Variants in GREB1L observed in about 807,000 individuals in gnomAD.
GREB1L encodes the protein GREB1 like retinoic acid receptor coactivator.
GREB1L carries 17 observed loss-of-function variants against 200.8 expected under a neutral mutation model. The observed-to-expected ratio is 0.08, with a 90% CI of 0.06 to 0.13. The LOEUF (loss-of-function observed/expected upper bound fraction) is 0.13. Ranked by LOEUF, GREB1L falls within the 10% of genes least tolerant of loss-of-function variation. The pLI is 1.00. For missense variants in GREB1L, 1,657 were observed against 2,367.7 expected, an observed-to-expected ratio of 0.70 and a Z score of 6.23; for synonymous variants, 789 against 893.0, an observed-to-expected ratio of 0.88 and a Z score of 2.08.
At chr18:21,272,530 A>G (rs1237440415) in intron 1 of GREB1L, among the ~76,000 whole-genome samples, 2 of 152,208 alleles carry the variant, frequency 1.3e-5, no homozygotes, top group Non-Finnish European at 2.9e-5. Context: ...TGGACTTATA[A>G]TTTTTTGATA....
At chr18:21,419,318 C>T (rs1004026581) in intron 7 of GREB1L, among the ~76,000 whole-genome samples, 3 of 151,900 alleles carry the variant, frequency 2.0e-5, no homozygotes, top group African/African-American at 7.3e-5. Flanking sequence ...GTAGAAGACC[C>T]AATGAAATCT....
chr18:21,364,146 CTA>C (rs1405413518), intron 1 of GREB1L, among the ~76,000 whole-genome samples: 1 of 151,944 alleles, frequency 6.6e-6, no homozygotes, highest in African/African-American at 2.4e-5. Flanking sequence ...GGCCACATAA[CTA>C]ATATTCTTAT....
At chr18:21,431,011 T>C (rs1047425263) in intron 7 of GREB1L, among the ~76,000 whole-genome samples, 1 of 149,654 alleles carries the variant, frequency 6.7e-6, no homozygotes, top group Non-Finnish European at 1.5e-5. Flanking sequence ...TATTTATTTA[T>C]TTATTTATTT....
intron 1 of GREB1L, among the ~76,000 whole-genome samples, chr18:21,339,429 A>C (rs2039236271): frequency 6.6e-6 from 1 of 152,166 alleles, no homozygotes; most frequent in African/African-American, 2.4e-5. Context: ...TCTCCCTTGA[A>C]TTTTGATTAA....
Position 21,499,947 on chromosome 18 carries a change from T to G in GREB1L, c.3610T>G (p.Ser1204Ala). ...ASSTTSKPSS[S>A]SSGPRTLPWP... ...CAGCACCACCTCCAAGCCGTCATCA[T>G]CATCCTCAGGACCCAGGACCCTCCC... The change falls in exon 22 of 33, where the codon TCA becomes GCA. Residue 1204 changes from serine to alanine, a missense_variant. Coordinates refer to ENST00000424526, the MANE Select transcript of GREB1L (RefSeq NM_001142966.3). 2 of 1,550,612 alleles carry G rather than the reference T, an allele frequency of 1.3e-6. No individual in the cohort carries two copies. The highest frequency in any genetic ancestry group is 2.4e-5 in the South Asian group (2 of 84,006).
At chr18:21,268,813 G>T (rs2038033295) in intron 1 of GREB1L, among the ~76,000 whole-genome samples, 1 of 151,464 alleles carries the variant, frequency 6.6e-6, no homozygotes, top group Non-Finnish European at 1.5e-5. Context: ...GCCCGGGCTG[G>T]TCTTGAACTC....
intron 1 of GREB1L, among the ~76,000 whole-genome samples, chr18:21,351,826 CTATTTTATTT>C (rs369092840): frequency 3.3e-5 from 5 of 151,828 alleles, no homozygotes; most frequent in Admixed American, 6.6e-5. Context: ...CCTATGCAAG[CTATTTTATTT>C]TATTTTATTT....
chr18:21,486,331 G>T (rs1262230916), intron 18 of GREB1L, among the ~76,000 whole-genome samples: 1 of 150,774 alleles, frequency 6.6e-6, no homozygotes, highest in Non-Finnish European at 1.5e-5. Flanking sequence ...TCCAGCCTGG[G>T]TGACAGAGCG....
chr18:21,436,436 C>T (rs2033539803), intron 7 of GREB1L, among the ~76,000 whole-genome samples: 1 of 152,034 alleles, frequency 6.6e-6, no homozygotes, highest in South Asian at 2.1e-4. Context: ...GAGTTCCAGA[C>T]CAGCCCAGGT....
chr18:21,486,695 C>T (rs1475411470), intron 18 of GREB1L, among the ~76,000 whole-genome samples: 1 of 151,814 alleles, frequency 6.6e-6, no homozygotes, highest in Non-Finnish European at 1.5e-5. Flanking sequence ...TTTTTTCCCT[C>T]TGTGACCTTG....
At chr18:21,273,263 G>C (rs754288541) in intron 1 of GREB1L, among the ~76,000 whole-genome samples, 2 of 152,052 alleles carry the variant, frequency 1.3e-5, no homozygotes, top group Non-Finnish European at 2.9e-5. Flanking sequence ...TAGCATAAAT[G>C]ATAATGATAA....
At chr18:21,341,288 A>G (rs1482054505) in intron 1 of GREB1L, among the ~76,000 whole-genome samples, 1 of 152,228 alleles carries the variant, frequency 6.6e-6, no homozygotes, top group Non-Finnish European at 1.5e-5. Flanking sequence ...ACAAAACTGG[A>G]AAGACAGGAG....
At chr18:21,498,660 A>C (rs1044556111) in intron 21 of GREB1L, among the ~76,000 whole-genome samples, 1 of 152,110 alleles carries the variant, frequency 6.6e-6, no homozygotes, top group Non-Finnish European at 1.5e-5. Context: ...GCCCTTGGCT[A>C]CTGTGTCCCT....
intron 16 of GREB1L, among the ~76,000 whole-genome samples, chr18:21,474,200 A>T (rs1337285231): frequency 6.6e-6 from 1 of 152,206 alleles, no homozygotes; most frequent in African/African-American, 2.4e-5. Context: ...GCATTAACCC[A>T]AAAATCCAAG....
chr18:21,277,539 C>G (rs1321153141), intron 1 of GREB1L, among the ~76,000 whole-genome samples: 1 of 152,190 alleles, frequency 6.6e-6, no homozygotes, highest in Admixed American at 6.5e-5. Context: ...TCCTTAGCCC[C>G]TTTTGTCACC....
intron 17 of GREB1L, among the ~76,000 whole-genome samples, chr18:21,479,541 C>T (rs1189629530): frequency 3.3e-5 from 5 of 151,800 alleles, no homozygotes; most frequent in African/African-American, 9.7e-5. Flanking sequence ...TAGCCAGGCA[C>T]GGTGGCATGT....
At chr18:21,434,199 G>A (rs1333348568) in intron 7 of GREB1L, among the ~76,000 whole-genome samples, 1 of 152,126 alleles carries the variant, frequency 6.6e-6, no homozygotes, top group African/African-American at 2.4e-5. Flanking sequence ...TTGAGGCTGG[G>A]CATGGTGGCT....
chr18:21,379,790 C>T (rs1375118635), intron 2 of GREB1L, among the ~76,000 whole-genome samples: 1 of 152,284 alleles, frequency 6.6e-6, no homozygotes, highest in South Asian at 2.1e-4. Flanking sequence ...GTTTTGATCA[C>T]GTGTGGTGCT....
At chr18:21,256,715 T>C (rs2037804156) in intron 1 of GREB1L, among the ~76,000 whole-genome samples, 1 of 152,152 alleles carries the variant, frequency 6.6e-6, no homozygotes, top group Non-Finnish European at 1.5e-5. Flanking sequence ...CCAAGCATGA[T>C]GGCTGGTACA....
Sources: allele counts gnomAD v4.1 joint callset (sites outside exome capture counted in the v4.1 genomes callset), GRCh38; gene constraint gnomAD v4.1.1; transcripts MANE v1.5; gene names NCBI Gene and HGNC (gene_info 2026-07-23, HGNC 2026-07-21).